NBEA: variants seen among roughly 807,000 people sequenced by gnomAD.
The protein encoded by NBEA is neurobeachin.
In NBEA, 44 loss-of-function variants were observed where a neutral mutation model predicts 343.4. The observed-to-expected ratio is 0.13, with a 90% CI of 0.10 to 0.16. NBEA has a LOEUF of 0.16. Among genes scored for constraint, NBEA ranks in the 10% least tolerant of loss-of-function variants. The probability of loss-of-function intolerance (pLI) is 1.00; values close to 1 mark genes in which losing one functional copy is unlikely to be tolerated. For missense variants in NBEA, 2,555 were observed against 3,631.3 expected (o/e 0.70, Z 7.62); for synonymous variants, 1,175 against 1,238.7 (o/e 0.95, Z 1.08).
intron 36 of NBEA, among the ~76,000 whole-genome samples, chr13:35,346,497 C>T (rs999234925): frequency 1.3e-5 from 2 of 152,048 alleles, no homozygotes; most frequent in Non-Finnish European, 2.9e-5. Flanking sequence ...TTTGTTTGCC[C>T]TCCAACGTCA....
intron 33 of NBEA, among the ~76,000 whole-genome samples, chr13:35,222,648 CT>C (rs2074433739): frequency 6.6e-6 from 1 of 151,888 alleles, no homozygotes; most frequent in Non-Finnish European, 1.5e-5. Flanking sequence ...TAAAAGACAA[CT>C]TTTTAAACAT....
At chr13:34,974,322 C>A (rs2060095488) in intron 1 of NBEA, among the ~76,000 whole-genome samples, 1 of 152,174 alleles carries the variant, frequency 6.6e-6, no homozygotes, top group African/African-American at 2.4e-5. Flanking sequence ...TGGCCCAAAT[C>A]CTCTGTTTTC....
intron 38 of NBEA, among the ~76,000 whole-genome samples, chr13:35,404,497 AC>A (rs2043163637): frequency 6.6e-6 from 1 of 151,110 alleles, no homozygotes. Flanking sequence ...GTAAACTATC[AC>A]AAGAACAAAA....
At chr13:35,145,054 C>G (rs1431523597) in intron 18 of NBEA, among the ~76,000 whole-genome samples, 1 of 152,140 alleles carries the variant, frequency 6.6e-6, no homozygotes, top group African/African-American at 2.4e-5. Flanking sequence ...TTTGAACTTT[C>G]AGTTCAACTA....
intron 40 of NBEA, among the ~76,000 whole-genome samples, chr13:35,470,728 G>A (rs943509058): frequency 6.6e-6 from 1 of 152,218 alleles, no homozygotes; most frequent in Non-Finnish European, 1.5e-5. Context: ...CGGCCCGAGC[G>A]TTGGGGGATT....
chr13:35,622,598 G>A (rs1337863141), intron 48 of NBEA, among the ~76,000 whole-genome samples: 1 of 152,168 alleles, frequency 6.6e-6, no homozygotes, highest in Non-Finnish European at 1.5e-5. Flanking sequence ...AATTATTGAA[G>A]TTGTAATAGC....
intron 38 of NBEA, among the ~76,000 whole-genome samples, chr13:35,423,721 A>C (rs1451201940): frequency 6.6e-6 from 1 of 152,112 alleles, no homozygotes; most frequent in South Asian, 2.1e-4. Flanking sequence ...ATGGCATTGA[A>C]TCTATAAATT....
In NBEA at chr13:35,366,586, A is replaced by G. The variant is rs570127268; in HGVS notation, c.6179+14263A>G. On this transcript the variant is annotated intron_variant, in intron 38 of 58. Coordinates refer to ENST00000379939, the MANE Select transcript of NBEA (RefSeq NM_001385012.1). ...TGTGTTTTTATTGTATTATATCTCC[A>G]TTGTTAATTTTCTCTAGTTCATTCA... is the stretch of plus-strand genomic sequence containing the variant. 1.1e-3 allele frequency among the ~76,000 whole-genome samples: 166 copies of G among 150,740 alleles called. 1 individual carries two copies. Among genetic ancestry groups the G allele is most frequent in the African/African-American group, 3.8e-3 (154 of 40,970 alleles).
At chr13:35,640,820 T>C (rs1007545846) in intron 49 of NBEA, among the ~76,000 whole-genome samples, 4 of 152,174 alleles carry the variant, frequency 2.6e-5, no homozygotes, top group African/African-American at 9.6e-5. Flanking sequence ...TTTTGTTCAT[T>C]TGTGCATAAC....
intron 41 of NBEA, chr13:35,475,327 T>C: frequency 6.2e-7 from 1 of 1,614,026 alleles, no homozygotes; most frequent in Non-Finnish European, 8.5e-7. Flanking sequence ...CATATGGTAA[T>C]TGTTCAAGGG....
intron 35 of NBEA, among the ~76,000 whole-genome samples, chr13:35,300,328 A>T (rs991422475): frequency 5.9e-5 from 9 of 152,176 alleles, no homozygotes; most frequent in African/African-American, 2.2e-4. Flanking sequence ...TGTCTCAAAA[A>T]ACAAGAAAAA....
chr13:35,431,615 A>G (rs903525068), intron 38 of NBEA, among the ~76,000 whole-genome samples: 2 of 152,180 alleles, frequency 1.3e-5, no homozygotes, highest in African/African-American at 2.4e-5. Flanking sequence ...CAAGAACTCT[A>G]TTAGCATTAG....
intron 40 of NBEA, among the ~76,000 whole-genome samples, chr13:35,469,099 CA>C (rs34222156): frequency 8.7e-4 from 74 of 85,016 alleles, no homozygotes; most frequent in Middle Eastern, 8.8e-3. Flanking sequence ...GACTCTATCT[CA>C]AAAAAAAAAA....
chr13:35,277,174 A>G (rs2034645689), intron 34 of NBEA, among the ~76,000 whole-genome samples: 1 of 152,252 alleles, frequency 6.6e-6, no homozygotes, highest in Non-Finnish European at 1.5e-5. Context: ...TATATTCTTA[A>G]AACAAAATTT....
intron 1 of NBEA, among the ~76,000 whole-genome samples, chr13:35,010,576 C>CAAA (rs1194549300): frequency 3.1e-5 from 2 of 64,724 alleles, no homozygotes; most frequent in Non-Finnish European, 3.1e-5. Flanking sequence ...GACCCTGTCT[C>CAAA]AAAAAAAAAA....
chr13:35,396,358 C>G (rs1358110053), intron 38 of NBEA, among the ~76,000 whole-genome samples: 1 of 151,788 alleles, frequency 6.6e-6, no homozygotes, highest in Non-Finnish European at 1.5e-5. Flanking sequence ...GCTCTATTCT[C>G]CCTTTCATTC....
chr13:35,244,590 T>A (rs2030888761), intron 34 of NBEA, among the ~76,000 whole-genome samples: 1 of 152,078 alleles, frequency 6.6e-6, no homozygotes, highest in Non-Finnish European at 1.5e-5. Flanking sequence ...TTGCTTTGGC[T>A]ATGTGGGCTC....
chr13:35,134,310 T>A (rs1412180374), intron 17 of NBEA, among the ~76,000 whole-genome samples: 2 of 151,762 alleles, frequency 1.3e-5, no homozygotes, highest in African/African-American at 4.8e-5. Flanking sequence ...AACAGATATA[T>A]GTTCAATCTT....
intron 36 of NBEA, among the ~76,000 whole-genome samples, chr13:35,340,775 C>T (rs1025733920): frequency 2.0e-5 from 3 of 151,858 alleles, no homozygotes; most frequent in Non-Finnish European, 4.4e-5. Flanking sequence ...GGAAATACCT[C>T]CCAGGTTTTA....
Sources: allele counts gnomAD v4.1 joint callset (sites outside exome capture counted in the v4.1 genomes callset), GRCh38; gene constraint gnomAD v4.1.1; transcripts MANE v1.5; gene names NCBI Gene and HGNC (gene_info 2026-07-23, HGNC 2026-07-21).